DIABLO: variants seen among roughly 807,000 people sequenced by gnomAD.
The protein encoded by DIABLO is diablo homolog, mitochondrial.
DIABLO carries 32 observed loss-of-function variants against 31.7 expected under a neutral mutation model. That is an observed-to-expected ratio of 1.01 (90% CI 0.76 to 1.35). DIABLO has a LOEUF of 1.35. DIABLO is among the 40% of genes most tolerant of loss of function. The probability of loss-of-function intolerance (pLI) is 0.00; values close to 1 mark genes in which losing one functional copy is unlikely to be tolerated. For missense variants in DIABLO, 316 were observed against 286.4 expected (o/e 1.10, Z -0.75); for synonymous variants, 132 against 103.2 (o/e 1.28, Z -1.69).
chr12:122,224,953 T>TA lies in DIABLO; in HGVS notation c.51-310dup, dbSNP rs5801478. ...GCTGGCAACATGACCCCGTGTCTATTAAAAAAAAATAAGTAAATAAAGGCC... is the reference window on the plus strand; with the variant it reads ...GCTGGCAACATGACCCCGTGTCTATTAAAAAAAAAATAAGTAAATAAAGGCC... On this transcript the variant is annotated intron_variant, in intron 1 of 5. Coordinates refer to ENST00000464942, the MANE Select transcript of DIABLO (RefSeq NM_001371333.1). 0.011 allele frequency: 8,023 copies of TA among 697,804 alleles called. 412 individuals carry two copies. In the African/African-American group the frequency reaches 0.12, roughly 11 times the overall value. The allele number at this position is 697,804 out of a possible 1,614,324, so 43.2% of individuals were successfully genotyped here. A position where few individuals can be genotyped will look rare whatever the true frequency, so the allele number is the denominator to read the frequency against.
intron 1 of DIABLO, 44 bp from the exon 2 acceptor site, chr12:122,224,688 G>A (rs1327909988): frequency 2.5e-6 from 4 of 1,613,912 alleles, no homozygotes; most frequent in Non-Finnish European, 3.4e-6. Context: ...CCGCCAATCT[G>A]TAACAGGCTC....
At position 122,217,109 on chromosome 12, in the gene DIABLO, C is replaced by CA. The variant is rs1954231654; in HGVS notation, c.316-241dup. 6.4e-6 allele frequency: 3 copies of CA among 467,492 alleles called. No homozygotes were observed. In the Admixed American group the frequency reaches 1.0e-4, roughly 16 times the overall value. 29.0% of individuals were successfully genotyped at this position (467,492 alleles called of 1,614,324 possible). A position where few individuals can be genotyped will look rare whatever the true frequency, so the allele number is the denominator to read the frequency against. On this transcript the variant is annotated intron_variant, in intron 3 of 5. Coordinates refer to ENST00000464942, the MANE Select transcript of DIABLO (RefSeq NM_001371333.1). ...GCAATTCAGACACAGAAAGAGAAAACAATGCAAGGGAAAACTTTAAAGGTT... is the reference window on the plus strand; with the variant it reads ...GCAATTCAGACACAGAAAGAGAAAACAAATGCAAGGGAAAACTTTAAAGGTT...
intron 1 of DIABLO, 22 bp from the exon 2 acceptor site, chr12:122,224,666 C>T: frequency 1.2e-6 from 2 of 1,614,160 alleles, no homozygotes; most frequent in Non-Finnish European, 1.7e-6. Flanking sequence ...AGTCAGATTT[C>T]ATAAGGCACG....
chr12:122,218,409 A>T lies in DIABLO; in HGVS notation c.184-12T>A. 1 of 1,614,052 alleles carries T rather than the reference A, an allele frequency of 6.2e-7. No individual in the cohort carries two copies. ...TGAGGCTCTGATTTCTGAAAGACAC[A>T]AACATTGTCACTCAACCTCTAAAGC... On this transcript the variant is annotated splice_polypyrimidine_tract_variant and intron_variant, in intron 2 of 5. Transcript: ENST00000464942.
At chr12:122,219,320 T>G (rs1463769147) in intron 2 of DIABLO, among the ~76,000 whole-genome samples, 1 of 152,140 alleles carries the variant, frequency 6.6e-6, no homozygotes, top group Admixed American at 6.5e-5. Flanking sequence ...ATTAACAGTG[T>G]TAGATACTTG....
chr12:122,222,859 G>T (rs894658788), intron 2 of DIABLO, among the ~76,000 whole-genome samples: 1 of 152,054 alleles, frequency 6.6e-6, no homozygotes, highest in African/African-American at 2.4e-5. Context: ...ATGCTCACCT[G>T]CCCACCACTC....
chr12:122,225,920 G>A, intron 1 of DIABLO, 45 bp downstream of exon 1: 2 of 1,559,884 alleles, frequency 1.3e-6, no homozygotes, highest in Non-Finnish European at 1.7e-6. Context: ...GTCCGCGTCG[G>A]TCCCTCCCTC....
intron 3 of DIABLO, chr12:122,217,877 G>A (rs1954249932): frequency 4.1e-6 from 1 of 243,432 alleles, no homozygotes; most frequent in Non-Finnish European, 8.1e-6. Context: ...TCCTCACAGA[G>A]CAACCTCTGT....
At chr12:122,210,715 C>T (rs1954067409) in intron 5 of DIABLO, among the ~76,000 whole-genome samples, 1 of 151,958 alleles carries the variant, frequency 6.6e-6, no homozygotes, top group Non-Finnish European at 1.5e-5. Flanking sequence ...GTTGTCTCTT[C>T]CTTTTGTCAC....
At chr12:122,226,249 G>A (rs999594825), upstream of DIABLO, 3 of 723,212 alleles carry the variant, frequency 4.1e-6, no homozygotes, top group Non-Finnish European at 7.3e-6. Context: ...GCATATGCAG[G>A]GCCTGAGGGC....
At chr12:122,218,771 C>G (rs754574364) in intron 2 of DIABLO, 40 of 298,090 alleles carry the variant, frequency 1.3e-4, no homozygotes, top group Non-Finnish European at 2.5e-4. Flanking sequence ...GAAACCCCGT[C>G]TCTACTAAAA....
intron 2 of DIABLO, among the ~76,000 whole-genome samples, chr12:122,222,909 C>A (rs758301520): frequency 1.3e-5 from 2 of 152,048 alleles, no homozygotes; most frequent in Non-Finnish European, 2.9e-5. Flanking sequence ...AGGCCACAGA[C>A]CAGTACCAGC....
chr12:122,216,379 T>C, intron 5 of DIABLO, 109 bp downstream of exon 5: 1 of 923,150 alleles, frequency 1.1e-6, no homozygotes, highest in Non-Finnish European at 1.7e-6. Flanking sequence ...GAGAGCCACT[T>C]AGACCATTTA....
chr12:122,224,007 C>T (rs1170910853), intron 2 of DIABLO, among the ~76,000 whole-genome samples: 2 of 152,120 alleles, frequency 1.3e-5, no homozygotes, highest in African/African-American at 4.8e-5. Context: ...CCTATGTTGA[C>T]TAGGCTGGTC....
intron 5 of DIABLO, among the ~76,000 whole-genome samples, chr12:122,215,784 C>T (rs1036294752): frequency 6.6e-6 from 1 of 150,918 alleles, no homozygotes; most frequent in Non-Finnish European, 1.5e-5. Context: ...TGCCTATAAT[C>T]CCAGCACTTT....
chr12:122,224,773 A>G lies in DIABLO; in HGVS notation c.51-129T>C. On this transcript the variant is annotated intron_variant, in intron 1 of 5. Coordinates refer to ENST00000464942, the MANE Select transcript of DIABLO (RefSeq NM_001371333.1). ...CCTAAATGAGGATGCAGGACAGCTG[A>G]GGGGTTTTGAAATTTTCAACATACA... The G allele has an allele frequency of 6.3e-6, 10 of 1,586,440 alleles. No individual in the cohort carries two copies. The South Asian group carries it at 1.0e-4, about 16-fold the overall frequency.
chr12:122,221,306 G>A (rs1954330673), intron 2 of DIABLO: 1 of 152,190 alleles, frequency 6.6e-6, no homozygotes, highest in African/African-American at 2.4e-5. Context: ...TTTTGTTGCA[G>A]GGGATGTCCA....
At chr12:122,224,842 G>A in intron 1 of DIABLO, 198 bp from the exon 2 acceptor site, 2 of 1,498,266 alleles carry the variant, frequency 1.3e-6, no homozygotes, top group South Asian at 1.2e-5. Flanking sequence ...GGTGGCTCAC[G>A]CCTGTAATCC....
chr12:122,226,137 A>T, upstream of DIABLO: 1 of 1,419,322 alleles, frequency 7.0e-7, no homozygotes, highest in South Asian at 1.2e-5. Context: ...CCAAGGAAGC[A>T]GTCGGGATTG....
Sources: gnomAD v4.1 joint callset for allele counts (sites outside exome capture counted in the v4.1 genomes callset) on GRCh38, gnomAD v4.1.1 for gene constraint, MANE v1.5 for transcripts, NCBI Gene and HGNC (gene_info 2026-07-23, HGNC 2026-07-21) for gene names.